Variants in SPMIP2 observed in about 807,000 individuals in gnomAD.
SPMIP2 encodes the protein sperm microtubule inner protein 2.
the SPMIP2 span, chr4:158,960,303 G>A: frequency 3.2e-6 from 5 of 1,559,482 alleles, no homozygotes; most frequent in African/African-American, 6.8e-5. Flanking sequence ...TTTGATATCT[G>A]TGGGTTATTG....
chr4:158,933,926 TG>T, the SPMIP2 span, among the ~76,000 whole-genome samples: 1 of 152,228 alleles, frequency 6.6e-6, no homozygotes, highest in African/African-American at 2.4e-5. Flanking sequence ...CACAAATGCC[TG>T]ACTTTTTACT....
chr4:158,978,231 G>C, the SPMIP2 span, among the ~76,000 whole-genome samples: 4 of 152,320 alleles, frequency 2.6e-5, no homozygotes, highest in Admixed American at 1.3e-4. Context: ...GTGCGGTTTT[G>C]AGTGAGTTTC....
chr4:158,903,793 C>G, the SPMIP2 span, among the ~76,000 whole-genome samples: 1 of 152,138 alleles, frequency 6.6e-6, no homozygotes, highest in African/African-American at 2.4e-5. Context: ...AGTCCACAAA[C>G]TGAAACAGTT....
the SPMIP2 span, among the ~76,000 whole-genome samples, chr4:158,920,226 G>A: frequency 6.6e-5 from 10 of 152,190 alleles, no homozygotes; most frequent in Non-Finnish European, 1.5e-4. Context: ...TGTGATAATT[G>A]TGTTAACTGT....
At chr4:158,952,011 A>G in the SPMIP2 span, among the ~76,000 whole-genome samples, 3 of 152,216 alleles carry the variant, frequency 2.0e-5, no homozygotes, top group South Asian at 4.1e-4. Context: ...TTTGTACAGC[A>G]CACAAACACA....
the SPMIP2 span, among the ~76,000 whole-genome samples, chr4:159,013,604 C>T: frequency 2.6e-5 from 4 of 152,056 alleles, no homozygotes; most frequent in Non-Finnish European, 5.9e-5. Flanking sequence ...TATAAGGATA[C>T]CAGTTTCATG....
At chr4:158,943,710 T>C in the SPMIP2 span, among the ~76,000 whole-genome samples, 1 of 152,124 alleles carries the variant, frequency 6.6e-6, no homozygotes, top group Non-Finnish European at 1.5e-5. Context: ...AAGCCAATCC[T>C]GTCTCCTTTT....
At chr4:158,942,659 C>A in the SPMIP2 span, among the ~76,000 whole-genome samples, 1 of 152,062 alleles carries the variant, frequency 6.6e-6, no homozygotes, top group African/African-American at 2.4e-5. Flanking sequence ...TGCCTGTAAT[C>A]CCAGCTACTT....
chr4:159,066,779 T>C, the SPMIP2 span, among the ~76,000 whole-genome samples: 1 of 152,044 alleles, frequency 6.6e-6, no homozygotes, highest in African/African-American at 2.4e-5. Flanking sequence ...GATTTGAATT[T>C]ATACCAGGGG....
the SPMIP2 span, chr4:159,035,153 A>C: frequency 7.1e-7 from 1 of 1,412,812 alleles, no homozygotes; most frequent in South Asian, 1.2e-5. Flanking sequence ...CAAATCAGTT[A>C]AGCTGCACCA....
chr4:159,067,902 T>A, the SPMIP2 span, among the ~76,000 whole-genome samples: 3 of 151,976 alleles, frequency 2.0e-5, no homozygotes, highest in African/African-American at 7.3e-5. Flanking sequence ...AAAAAACACA[T>A]GAAAAAAATG....
At chr4:158,899,427 G>A in the SPMIP2 span, among the ~76,000 whole-genome samples, 1 of 152,180 alleles carries the variant, frequency 6.6e-6, no homozygotes, top group African/African-American at 2.4e-5. Flanking sequence ...CAGAAGGAAT[G>A]GTACCAGCTC....
chr4:159,061,818 A>AAC, the SPMIP2 span, among the ~76,000 whole-genome samples: 1 of 151,636 alleles, frequency 6.6e-6, no homozygotes, highest in Non-Finnish European at 1.5e-5. Context: ...CTCAATTAAA[A>AAC]AAAAAAAAAA....
the SPMIP2 span, among the ~76,000 whole-genome samples, chr4:158,912,715 A>G: frequency 6.6e-6 from 1 of 152,236 alleles, no homozygotes; most frequent in Non-Finnish European, 1.5e-5. Flanking sequence ...TATTTATTGA[A>G]GCATCCACAC....
At chr4:159,082,388 C>A in the SPMIP2 span, among the ~76,000 whole-genome samples, 9 of 147,886 alleles carry the variant, frequency 6.1e-5, no homozygotes, top group African/African-American at 2.2e-4. Flanking sequence ...AGGAGATAAA[C>A]CATAAAGAAG....
the SPMIP2 span, among the ~76,000 whole-genome samples, chr4:158,982,220 A>C: frequency 1.3e-5 from 2 of 152,204 alleles, no homozygotes; most frequent in African/African-American, 4.8e-5. Context: ...CAGATTCATA[A>C]AGCAAGTTCT....
At chr4:158,913,223 T>C in the SPMIP2 span, among the ~76,000 whole-genome samples, 1 of 152,150 alleles carries the variant, frequency 6.6e-6, no homozygotes, top group Non-Finnish European at 1.5e-5. Context: ...GCTGTTGTTG[T>C]TGTTGTTGTT....
the SPMIP2 span, among the ~76,000 whole-genome samples, chr4:159,068,664 A>T: frequency 6.6e-6 from 1 of 151,660 alleles, no homozygotes; most frequent in South Asian, 2.1e-4. Flanking sequence ...GTATAATTAA[A>T]AAATAAATAA....
the SPMIP2 span, among the ~76,000 whole-genome samples, chr4:158,955,709 G>A: frequency 1.3e-5 from 2 of 152,138 alleles, no homozygotes; most frequent in African/African-American, 2.4e-5. Flanking sequence ...CCTGGCCTGA[G>A]CCACTGCATG....
Sources: gnomAD v4.1 joint callset for allele counts (sites outside exome capture counted in the v4.1 genomes callset) on GRCh38, gnomAD v4.1.1 for gene constraint, MANE v1.5 for transcripts, NCBI Gene and HGNC (gene_info 2026-07-23, HGNC 2026-07-21) for gene names.